Variants in GTF3C1 observed in about 807,000 individuals in gnomAD.
The protein encoded by GTF3C1 is general transcription factor 3C polypeptide 1.
In GTF3C1, 57 loss-of-function variants were observed where a neutral mutation model predicts 226.7. The ratio of observed to expected loss-of-function variants is 0.25; its 90% CI spans 0.20 to 0.31. The LOEUF is 0.31. Among genes scored for constraint, GTF3C1 ranks in the 10% least tolerant of loss-of-function variants. The pLI is 1.00. For synonymous variants in GTF3C1, 1,090 were observed against 1,084.8 expected (o/e 1.00, Z -0.09); for missense variants, 2,217 against 2,776.1 (o/e 0.80, Z 4.53).
rs145463437 is a variant in GTF3C1, at chr16:27,464,744, G to A, written c.5448C>T (p.Ser1816=). ...CGTCTTCTCTGTCTTTCAGCCGCAC[G>A]GAGTGCAGGAGCCAAGGCCAGGCAG... ...MGSAWPWLLH[S]VRLKDREDAD... is the part of the protein sequence containing the mutation. Residue 1816 remains serine, a synonymous_variant, in exon 34 of 37, where the codon TCC becomes TCT. Coordinates refer to ENST00000356183, the MANE Select transcript of GTF3C1 (RefSeq NM_001520.4). 65 of 1,591,120 alleles carry A rather than the reference G, an allele frequency of 4.1e-5. No homozygotes were observed. Among genetic ancestry groups the A allele is most frequent in the African/African-American group, 2.7e-4 (20 of 74,464 alleles).
At chr16:27,526,163 A>T (rs2088830805) in intron 6 of GTF3C1, among the ~76,000 whole-genome samples, 1 of 152,178 alleles carries the variant, frequency 6.6e-6, no homozygotes, top group South Asian at 2.1e-4. Flanking sequence ...TCAGAAAAAG[A>T]AGTCTCCAGC....
At chr16:27,501,059 G>A (rs1257227005) in intron 12 of GTF3C1, 132 bp downstream of exon 12, 7 of 722,202 alleles carry the variant, frequency 9.7e-6, no homozygotes, top group South Asian at 1.9e-5. Context: ...CCCCAAATCA[G>A]GAGGCATAAT....
chr16:27,546,878 T>C lies in GTF3C1; in HGVS notation c.222-1355A>G, dbSNP rs2089172028. On this transcript the variant is annotated intron_variant, in intron 1 of 36. Coordinates refer to ENST00000356183, the MANE Select transcript of GTF3C1 (RefSeq NM_001520.4). The stretch of plus-strand genomic sequence containing the variant: ...ACCTTCTGGGTTCAAGCGATTCTCC[T>C]GCCTCAGCCTCCCTAGTAGCTGGGA... 2.0e-5 allele frequency among the ~76,000 whole-genome samples: 3 copies of C among 152,202 alleles called. No individual in the cohort carries two copies. The Middle Eastern group carries it at 0.01, about 518-fold the overall frequency.
chr16:27,493,964 C>T (rs141114978), intron 16 of GTF3C1, among the ~76,000 whole-genome samples: 2 of 151,418 alleles, frequency 1.3e-5, no homozygotes, highest in Non-Finnish European at 2.9e-5. Context: ...CACACATACC[C>T]GTGTACATAC....
chr16:27,523,083 T>C (rs1040204874), intron 6 of GTF3C1, among the ~76,000 whole-genome samples: 9 of 152,202 alleles, frequency 5.9e-5, no homozygotes, highest in African/African-American at 1.9e-4. Context: ...CCTCAGTCAT[T>C]AGCCCCAGGG....
At chr16:27,513,465 C>T (rs2141413848) in intron 6 of GTF3C1, among the ~76,000 whole-genome samples, 1 of 152,196 alleles carries the variant, frequency 6.6e-6, no homozygotes, top group South Asian at 2.1e-4. Flanking sequence ...AAATAAAACA[C>T]TGAACAACAA....
At chr16:27,512,867 C>T (rs1053592576) in intron 6 of GTF3C1, among the ~76,000 whole-genome samples, 2 of 152,194 alleles carry the variant, frequency 1.3e-5, no homozygotes, top group African/African-American at 2.4e-5. Flanking sequence ...AAGCTCCTGA[C>T]AGCTTGTAAG....
In GTF3C1 at chr16:27,492,941, A is replaced by C. The variant is rs779351959; in HGVS notation, c.2877-228T>G. 1.3e-5 allele frequency among the ~76,000 whole-genome samples: 2 copies of C among 152,256 alleles called. No homozygotes were observed. The highest frequency in any genetic ancestry group is 2.4e-5 in the African/African-American group (1 of 41,468). Reference sequence around the variant, plus strand: ...ACACTAGGGATTTGATTTGGAAAGTAAAAGTAATGAAAGGGAAAAAAAATT... The same window carrying C: ...ACACTAGGGATTTGATTTGGAAAGTCAAAGTAATGAAAGGGAAAAAAAATT... On this transcript the variant is annotated intron_variant, in intron 17 of 36. Transcript: ENST00000356183. This position sits in a 1 kb window ranked among gnomAD's most constrained non-coding sequence, Gnocchi z 5.0.
At chr16:27,494,017 A>G (rs112612369) in intron 16 of GTF3C1, among the ~76,000 whole-genome samples, 21 of 152,150 alleles carry the variant, frequency 1.4e-4, no homozygotes, top group African/African-American at 4.6e-4. Flanking sequence ...CCTTACCAAG[A>G]AGATAATTAC....
intron 6 of GTF3C1, among the ~76,000 whole-genome samples, chr16:27,521,535 G>A (rs1390460118): frequency 2.0e-5 from 3 of 152,258 alleles, no homozygotes; most frequent in Admixed American, 2.0e-4. Context: ...GAGATCAGCG[G>A]GGAAGAGGCC....
rs560622880 is a variant in GTF3C1, at chr16:27,542,377, G to A, written c.431+2937C>T. ...GGAGTTCAAGACCAGTCTGGTCAAC[G>A]CAGTGAAACCCCATCTCTACTAAAA... is the stretch of plus-strand genomic sequence containing the variant. On this transcript the variant is annotated intron_variant, in intron 2 of 36. Coordinates refer to ENST00000356183, the MANE Select transcript of GTF3C1 (RefSeq NM_001520.4). Among the ~76,000 whole-genome samples the A allele has an allele frequency of 1.1e-4, 16 of 152,094 alleles. No homozygotes were observed. The South Asian group carries it at 2.9e-3, about 28-fold the overall frequency.
In GTF3C1 at chr16:27,492,065, C is replaced by T. The variant is rs114390957; in HGVS notation, c.3151+273G>A. ...TCAGGCACAGGAAGTGACACACAGCCGGTGTGTTTAATAAATACCTACTCA... is the reference window on the plus strand; with the variant it reads ...TCAGGCACAGGAAGTGACACACAGCTGGTGTGTTTAATAAATACCTACTCA... On this transcript the variant is annotated intron_variant, in intron 19 of 36. Transcript: ENST00000356183. This position sits in a 1 kb window ranked among gnomAD's most constrained non-coding sequence, Gnocchi z 5.0. Among the ~76,000 whole-genome samples, 564 of 152,216 alleles carry T rather than the reference C, an allele frequency of 3.7e-3. 5 individuals are homozygous for T. Among genetic ancestry groups the T allele is most frequent in the African/African-American group, 0.013 (553 of 41,522 alleles).
chr16:27,469,582 CATAGGCCAG>C lies in GTF3C1; in HGVS notation c.4815-41_4815-33del. 1 of 1,588,858 alleles carries C rather than the reference CATAGGCCAG, an allele frequency of 6.3e-7. No individual in the cohort carries two copies. The highest frequency in any genetic ancestry group is 1.1e-5 in the South Asian group (1 of 88,320). On this transcript the variant is annotated intron_variant, in intron 31 of 36. Transcript: ENST00000356183. This position sits in a 1 kb window ranked among gnomAD's most constrained non-coding sequence, Gnocchi z 4.5. The stretch of plus-strand genomic sequence containing the variant: ...GGGAATTGTGACCTGGATACCTGAG[CATAGGCCAG>C]CCAGTTGCTACTGCAGCCTCTCCCC...
chr16:27,461,233 C>T lies in GTF3C1; in HGVS notation c.*117G>A. The T allele has an allele frequency of 1.5e-6, 1 of 658,316 alleles. No homozygotes were observed. Among genetic ancestry groups the T allele is most frequent in the South Asian group, 1.8e-5 (1 of 54,244 alleles). 40.8% of individuals were successfully genotyped at this position (658,316 alleles called of 1,614,324 possible). A position where few individuals can be genotyped will look rare whatever the true frequency, so the allele number is the denominator to read the frequency against. ...CTGTGACTCTGGCCAAAGCACCCGTCCCCTGCTGCAGGAGGCTCGGCAGAC... is the reference window on the plus strand; with the variant it reads ...CTGTGACTCTGGCCAAAGCACCCGTTCCCTGCTGCAGGAGGCTCGGCAGAC... On this transcript the variant is annotated 3_prime_UTR_variant, in exon 37 of 37. Coordinates refer to ENST00000356183, the MANE Select transcript of GTF3C1 (RefSeq NM_001520.4). This position sits in a 1 kb window ranked among gnomAD's most constrained non-coding sequence, Gnocchi z 5.3.
In GTF3C1 at chr16:27,501,081, A is replaced by G. The variant is rs571392393; in HGVS notation, c.2061+110T>C. The G allele has an allele frequency of 7.4e-5, 65 of 883,300 alleles. No homozygotes were observed. In the African/African-American group the frequency reaches 1.0e-3, roughly 14 times the overall value. 54.7% of individuals were successfully genotyped at this position (883,300 alleles called of 1,614,324 possible). A position where few individuals can be genotyped will look rare whatever the true frequency, so the allele number is the denominator to read the frequency against. ...TCAGGAGGCATAATGGGAAATTCCAAGTCACTGGTAATAAAGCAACTACCA... is the reference window on the plus strand; with the variant it reads ...TCAGGAGGCATAATGGGAAATTCCAGGTCACTGGTAATAAAGCAACTACCA... On this transcript the variant is annotated intron_variant, in intron 12 of 36. Transcript: ENST00000356183.
Position 27,461,371 on chromosome 16 carries a change from C to G in GTF3C1, c.6309G>C (p.Trp2103Cys). ...LGRVFPHEVN[W>C]NKWIHL is the part of the protein sequence containing the mutation. ...GGTCCTAGAGGTGGATCCACTTGTTCCAGTTGACCTCGTGGGGGAACACAC... is the reference window on the plus strand; with the variant it reads ...GGTCCTAGAGGTGGATCCACTTGTTGCAGTTGACCTCGTGGGGGAACACAC... The change falls in exon 37 of 37, where the codon TGG becomes TGC. Residue 2103 changes from tryptophan to cysteine, a missense_variant. Trp to Cys is a radical substitution (Grantham distance 215). Around this residue, in one of 12 missense-constraint regions of GTF3C1, gnomAD observed 153 missense variants for 199.8 expected, o/e 0.77. Transcript: ENST00000356183. This position sits in a 1 kb window ranked among gnomAD's most constrained non-coding sequence, Gnocchi z 5.3. 6.2e-7 allele frequency: 1 copy of G among 1,611,838 alleles called. No individual in the cohort carries two copies. Among genetic ancestry groups the G allele is most frequent in the East Asian group, 2.2e-5 (1 of 44,802 alleles).
At chr16:27,539,964 G>A (rs1373511384) in intron 2 of GTF3C1, among the ~76,000 whole-genome samples, 1 of 152,142 alleles carries the variant, frequency 6.6e-6, no homozygotes, top group Non-Finnish European at 1.5e-5. Flanking sequence ...CCAGATGAAG[G>A]AGTCACCAAG....
chr16:27,528,377 G>A (rs1422612719), intron 6 of GTF3C1, among the ~76,000 whole-genome samples: 1 of 152,170 alleles, frequency 6.6e-6, no homozygotes, highest in Non-Finnish European at 1.5e-5. Context: ...GATTTTGGAG[G>A]ACACCACAGA....
At chr16:27,545,256 C>T (rs2089146106) in intron 2 of GTF3C1, 58 bp downstream of exon 2, 7 of 1,219,756 alleles carry the variant, frequency 5.7e-6, no homozygotes, top group Middle Eastern at 3.9e-4. Flanking sequence ...GGATTACAGG[C>T]GTGAGCCACC....
Sources: allele counts gnomAD v4.1 joint callset (sites outside exome capture counted in the v4.1 genomes callset), GRCh38; gene constraint gnomAD v4.1.1; regional missense constraint gnomAD v4.1.1; non-coding constraint Gnocchi (gnomAD v3.1); transcripts MANE v1.5; gene names NCBI Gene and HGNC (gene_info 2026-07-23, HGNC 2026-07-21).